Variants in FMNL3 observed in about 807,000 individuals in gnomAD.
FMNL3 encodes formin like 3, also known as formin-like protein 3.
In FMNL3, 57 loss-of-function variants were observed where a neutral mutation model predicts 119.6. That is an observed-to-expected ratio of 0.48 (90% CI 0.39 to 0.59). FMNL3 has a LOEUF of 0.59. Ranked by LOEUF, FMNL3 falls within the 20% of genes least tolerant of loss-of-function variation. FMNL3 has a pLI of 0.00. For synonymous variants in FMNL3, 491 were observed against 507.3 expected, an observed-to-expected ratio of 0.97 and a Z score of 0.43; for missense variants, 1,053 against 1,323.5, an observed-to-expected ratio of 0.80 and a Z score of 3.17.
At position 49,637,581 on chromosome 12, in the gene FMNL3, C is replaced by T; in HGVS notation, c.*8234G>A. 6.2e-7 allele frequency: 1 copy of T among 1,613,198 alleles called. No homozygotes were observed. The highest frequency in any genetic ancestry group is 8.5e-7 in the Non-Finnish European group (1 of 1,179,744). ...CCGCTTTGCCAACATGCTGGGCCAG[C>T]CGGGTAAGGCAGCCAGGCTCCCCCT... On this transcript the variant is annotated 3_prime_UTR_variant, in exon 26 of 26. Transcript: ENST00000335154.
intron 1 of FMNL3, among the ~76,000 whole-genome samples, chr12:49,692,993 C>T (rs1208463191): frequency 1.3e-5 from 2 of 151,948 alleles, no homozygotes; most frequent in South Asian, 4.2e-4. Context: ...TTGTCCTGAA[C>T]GAAAGAGGGC....
At chr12:49,666,402 T>TCTC (rs962064461) in intron 2 of FMNL3, among the ~76,000 whole-genome samples, 195 bp from the exon 3 acceptor site, 2 of 152,178 alleles carry the variant, frequency 1.3e-5, no homozygotes, top group African/African-American at 2.4e-5. Context: ...CCTGTTGCCA[T>TCTC]CTCCTCCTCC....
At chr12:49,692,465 C>T (rs2139008659) in intron 1 of FMNL3, among the ~76,000 whole-genome samples, 1 of 152,238 alleles carries the variant, frequency 6.6e-6, no homozygotes, top group South Asian at 2.1e-4. Flanking sequence ...AAATCAGTCA[C>T]TATTCAGCCC....
Position 49,651,186 on chromosome 12 carries a change from A to G in FMNL3, c.1779T>C (p.Asp593=). The G allele has an allele frequency of 6.2e-7, 1 of 1,613,366 alleles. No individual in the cohort carries two copies. The highest frequency in any genetic ancestry group is 8.5e-7 in the Non-Finnish European group (1 of 1,179,368). ...CTGTTACCTCCAAGATCTTCTCATC[A>G]TCAAGTTCGCTGAAGACAGTGCCAC... The part of the protein sequence containing the change: ...QISGTVFSEL[D]DEKILEDLDL... The change falls in exon 16 of 26, where the codon GAT becomes GAC. Residue 593 remains aspartate, a synonymous_variant. Coordinates refer to ENST00000335154, the MANE Select transcript of FMNL3 (RefSeq NM_175736.5).
Position 49,644,099 on chromosome 12 carries a change from G to A in FMNL3, c.*1716C>T. On this transcript the variant is annotated 3_prime_UTR_variant, in exon 26 of 26. Coordinates refer to ENST00000335154, the MANE Select transcript of FMNL3 (RefSeq NM_175736.5). Reference sequence around the variant, plus strand: ...GGTGAACTGTGCCTTTGCTCCAACAGACAGGCTGGGACACGTCAGAAAGTG... The same window carrying A: ...GGTGAACTGTGCCTTTGCTCCAACAAACAGGCTGGGACACGTCAGAAAGTG... 6.2e-7 allele frequency: 1 copy of A among 1,614,192 alleles called. No homozygotes were observed. Among genetic ancestry groups the A allele is most frequent in the Non-Finnish European group, 8.5e-7 (1 of 1,180,040 alleles).
intron 16 of FMNL3, 141 bp downstream of exon 16, chr12:49,651,027 C>T (rs113234577): frequency 0.013 from 18,174 of 1,447,694 alleles, 165 homozygotes; most frequent in African/African-American, 0.026. Flanking sequence ...TAGAAATATA[C>T]GTACACTCAA....
In FMNL3 at chr12:49,643,296, C is replaced by T. The variant is rs1281603412; in HGVS notation, c.*2519G>A. The T allele has an allele frequency of 1.2e-6, 2 of 1,613,122 alleles. No homozygotes were observed. Among genetic ancestry groups the T allele is most frequent in the Non-Finnish European group, 1.7e-6 (2 of 1,179,750 alleles). ...CCCAAGCGGAGGAGGCGGAACCCCT[C>T]AGAGTCAGGCTCTGAGCCCTCTTCC... On this transcript the variant is annotated 3_prime_UTR_variant, in exon 26 of 26. Transcript: ENST00000335154.
At chr12:49,706,070 T>A (rs766596637) in intron 1 of FMNL3, among the ~76,000 whole-genome samples, 9 of 152,228 alleles carry the variant, frequency 5.9e-5, no homozygotes, top group Non-Finnish European at 1.0e-4. Context: ...AAGTGAGAAC[T>A]ATTTCCCCAA....
chr12:49,642,691 C>G lies in FMNL3; in HGVS notation c.*3124G>C, dbSNP rs775088467. 6.2e-7 allele frequency: 1 copy of G among 1,611,452 alleles called. No homozygotes were observed. The highest frequency in any genetic ancestry group is 1.1e-5 in the South Asian group (1 of 90,614). On this transcript the variant is annotated 3_prime_UTR_variant, in exon 26 of 26. Transcript: ENST00000335154. This position sits in a 1 kb window ranked among gnomAD's most constrained non-coding sequence, Gnocchi z 5.8. ...GGTGCTGGAGGTGAGGCAGGCTTGT[C>G]CTCTGGATCTGCCTCAGGCCCTTGA...
chr12:49,649,104 A>G lies in FMNL3; in HGVS notation c.2440T>C (p.Leu814=), dbSNP rs773560473. ...RKMTLLHFIA[L]TVKEKYPDLA... Reference sequence around the variant, plus strand: ...TCTGGGTATTTCTCCTTCACTGTCAAGGCGATGAAATGAAGCAGTGTCATC... The same window carrying G: ...TCTGGGTATTTCTCCTTCACTGTCAGGGCGATGAAATGAAGCAGTGTCATC... Residue 814 remains leucine, a synonymous_variant, in exon 21 of 26, where the codon TTG becomes CTG. Coordinates refer to ENST00000335154, the MANE Select transcript of FMNL3 (RefSeq NM_175736.5). This position sits in a 1 kb window ranked among gnomAD's most constrained non-coding sequence, Gnocchi z 5.6. The G allele has an allele frequency of 2.5e-6, 4 of 1,613,838 alleles. No homozygotes were observed. The highest frequency in any genetic ancestry group is 3.4e-6 in the Non-Finnish European group (4 of 1,179,810).
At chr12:49,648,517 C>T (rs150822746) in intron 21 of FMNL3, among the ~76,000 whole-genome samples, 164 bp from the exon 22 acceptor site, 298 of 152,262 alleles carry the variant, frequency 2.0e-3, no homozygotes, top group South Asian at 0.011. Context: ...TGATCCCTCA[C>T]AGGGGGAGGG....
At chr12:49,695,103 A>G (rs990566042) in intron 1 of FMNL3, among the ~76,000 whole-genome samples, 1 of 152,040 alleles carries the variant, frequency 6.6e-6, no homozygotes, top group South Asian at 2.1e-4. Flanking sequence ...CCAAAGGATG[A>G]GGTGGGAGGG....
At chr12:49,648,143 GC>G in intron 22 of FMNL3, 49 bp downstream of exon 22, 1 of 1,570,084 alleles carries the variant, frequency 6.4e-7, no homozygotes, top group Non-Finnish European at 8.6e-7. Context: ...ACCTAGAGGG[GC>G]CTGGTGCCTT....
rs1592637800 is a variant in FMNL3 at position 49,647,865 on chromosome 12, C to T, written c.2677-61G>A. On this transcript the variant is annotated intron_variant, in intron 22 of 25. Coordinates refer to ENST00000335154, the MANE Select transcript of FMNL3 (RefSeq NM_175736.5). The surrounding 1 kb of genome is among the most constrained non-coding windows in gnomAD (Gnocchi z 4.9). ...AGGAAGATCAGCCCAGCTCCCACAC[C>T]ACGGATGAGAGGCCTGCAGAAAGCA... 3 of 1,338,200 alleles carry T rather than the reference C, an allele frequency of 2.2e-6. No homozygotes were observed. Among genetic ancestry groups the T allele is most frequent in the East Asian group, 2.3e-5 (1 of 43,208 alleles). 82.9% of individuals were successfully genotyped at this position (1,338,200 alleles called of 1,614,324 possible).
chr12:49,694,453 G>A (rs1023797003), intron 1 of FMNL3, among the ~76,000 whole-genome samples: 5 of 152,224 alleles, frequency 3.3e-5, no homozygotes, highest in Non-Finnish European at 7.4e-5. Context: ...CTGTTCTGCA[G>A]AATGGTTTCC....
intron 1 of FMNL3, among the ~76,000 whole-genome samples, chr12:49,692,643 T>C (rs1944635941): frequency 6.6e-6 from 1 of 152,338 alleles, no homozygotes; most frequent in Admixed American, 6.5e-5. Context: ...CGTACATATA[T>C]ATCTTGGAGA....
Position 49,650,721 on chromosome 12 carries a change from C to T in FMNL3, c.1955G>A (p.Arg652His), listed in dbSNP as rs759732928. The T allele has an allele frequency of 1.3e-5, 21 of 1,613,952 alleles. No individual in the cohort carries two copies. In the East Asian group the frequency reaches 3.3e-4, roughly 26 times the overall value. ...NRAKNLAITL[R>H]KAGRSAEEIC... ...CTCCTCAGCCGAGCGGCCAGCCTTG[C>T]GTAGGGTGATGGCCAGGTTCTTGGC... Residue 652 changes from arginine (R) to histidine (H), a missense_variant, in exon 17 of 26, where the codon CGC becomes CAC. Physicochemically the swap from Arg to His is conservative, Grantham distance 29 (BLOSUM62 0). This residue lies in a region of FMNL3 where 445 missense variants were observed against 628.4 expected (regional missense o/e 0.71). Transcript: ENST00000335154.
At position 49,651,195 on chromosome 12, in the gene FMNL3, G is replaced by A. The variant is rs930704218; in HGVS notation, c.1770C>T (p.Ser590=). The change falls in exon 16 of 26, where the codon AGC becomes AGT. Residue 590 remains serine, a synonymous_variant. Transcript: ENST00000335154. Reference sequence around the variant, plus strand: ...CCAAGATCTTCTCATCATCAAGTTCGCTGAAGACAGTGCCACTGATCTGGT... The same window carrying A: ...CCAAGATCTTCTCATCATCAAGTTCACTGAAGACAGTGCCACTGATCTGGT... The part of the protein sequence containing the change: ...KPNQISGTVF[S]ELDDEKILED... The A allele has an allele frequency of 1.1e-5, 18 of 1,613,446 alleles. No individual in the cohort carries two copies. Among genetic ancestry groups the A allele is most frequent in the East Asian group, 2.2e-5 (1 of 44,872 alleles).
chr12:49,636,594 C>T lies in FMNL3; in HGVS notation c.*9221G>A. 1.4e-6 allele frequency: 2 copies of T among 1,386,972 alleles called. No individual in the cohort carries two copies. Among genetic ancestry groups the T allele is most frequent in the South Asian group, 1.3e-5 (1 of 77,188 alleles). 85.9% of individuals were successfully genotyped at this position (1,386,972 alleles called of 1,614,324 possible). On this transcript the variant is annotated 3_prime_UTR_variant, in exon 26 of 26. Transcript: ENST00000335154. The stretch of plus-strand genomic sequence containing the variant: ...CCCACAGAGCCCCCTCCAGGCCCTT[C>T]CCCCACCACCCTGGGTATCCCTAGC...
Sources: gnomAD v4.1 joint callset for allele counts (sites outside exome capture counted in the v4.1 genomes callset) on GRCh38, gnomAD v4.1.1 for gene constraint, gnomAD v4.1.1 regional missense constraint, Gnocchi (gnomAD v3.1) non-coding constraint, MANE v1.5 for transcripts, NCBI Gene and HGNC (gene_info 2026-07-23, HGNC 2026-07-21) for gene names.